The following NEK10 variants were observed in gnomAD, a reference collection of about 807,000 sequenced individuals.
The protein encoded by NEK10 is serine/threonine-protein kinase Nek10.
Under a neutral mutation model 159.8 loss-of-function variants are expected in NEK10, and 122 were observed. That is an observed-to-expected ratio of 0.76 (90% CI 0.66 to 0.89). The LOEUF is 0.89. NEK10 is among the 40% of genes least tolerant of loss of function. The pLI, the probability that NEK10 is intolerant of heterozygous loss-of-function variation, is 0.00. For synonymous variants in NEK10, 466 were observed against 457.1 expected, an observed-to-expected ratio of 1.02 and a Z score of -0.25; for missense variants, 1,342 against 1,323.1, an observed-to-expected ratio of 1.01 and a Z score of -0.22.
At chr3:27,308,897 T>G in intron 10 of NEK10, 29 bp downstream of exon 10, 1 of 1,194,910 alleles carries the variant, frequency 8.4e-7, no homozygotes, top group Non-Finnish European at 1.2e-6. Flanking sequence ...GTAGCAGAAC[T>G]GGAAAGTATA....
At chr3:27,264,272 A>G (rs965817385) in intron 22 of NEK10, among the ~76,000 whole-genome samples, 13 of 152,220 alleles carry the variant, frequency 8.5e-5, no homozygotes, top group African/African-American at 3.1e-4. Context: ...AGAAGAGGGA[A>G]TATTTCCCAA....
chr3:27,211,628 T>C (rs1951015790), intron 23 of NEK10, among the ~76,000 whole-genome samples: 1 of 152,156 alleles, frequency 6.6e-6, no homozygotes, highest in Non-Finnish European at 1.5e-5. Flanking sequence ...CCACCCATGT[T>C]AGCCTCCCTC....
intron 30 of NEK10, among the ~76,000 whole-genome samples, chr3:27,150,599 A>G (rs918473766): frequency 1.3e-5 from 2 of 152,220 alleles, no homozygotes; most frequent in Admixed American, 6.5e-5. Flanking sequence ...TCCTATCAAA[A>G]TATTGATGTT....
At chr3:27,115,445 A>G (rs1940260237) in intron 35 of NEK10, among the ~76,000 whole-genome samples, 1 of 152,164 alleles carries the variant, frequency 6.6e-6, no homozygotes, top group South Asian at 2.1e-4. Context: ...GAGGTTTTTT[A>G]TTTAGGGTAA....
At chr3:27,298,983 T>C (rs185490748) in intron 13 of NEK10, among the ~76,000 whole-genome samples, 237 of 152,316 alleles carry the variant, frequency 1.6e-3, no homozygotes, top group African/African-American at 5.2e-3. Context: ...AAATTTGCCA[T>C]CTGACAATGC....
intron 22 of NEK10, among the ~76,000 whole-genome samples, chr3:27,260,819 T>G (rs528750950): frequency 1.3e-5 from 2 of 152,222 alleles, no homozygotes; most frequent in South Asian, 4.1e-4. Flanking sequence ...CTTGTACCTC[T>G]GGTAGAATTC....
At chr3:27,120,722 T>C (rs1941185051) in intron 32 of NEK10, among the ~76,000 whole-genome samples, 1 of 152,176 alleles carries the variant, frequency 6.6e-6, no homozygotes, top group African/African-American at 2.4e-5. Flanking sequence ...AAGAGTAATT[T>C]GCCAAATGAC....
At chr3:27,256,499 A>G (rs1047155893) in intron 22 of NEK10, 128 bp from the exon 23 acceptor site, 17 of 420,234 alleles carry the variant, frequency 4.0e-5, no homozygotes, top group Non-Finnish European at 3.8e-5. Context: ...TCTTAATGCT[A>G]TATATTTTGA....
At chr3:27,186,392 G>C (rs1030360834) in intron 26 of NEK10, among the ~76,000 whole-genome samples, 1 of 152,190 alleles carries the variant, frequency 6.6e-6, no homozygotes, top group Non-Finnish European at 1.5e-5. Flanking sequence ...GGTAGCTTCT[G>C]GCAGAAAGGT....
At chr3:27,344,526 G>A (rs762317286) in intron 4 of NEK10, among the ~76,000 whole-genome samples, 156 bp from the exon 5 acceptor site, 8 of 152,286 alleles carry the variant, frequency 5.3e-5, no homozygotes, top group South Asian at 2.1e-4. Context: ...GGAGCCTTGC[G>A]TTTAACATGT....
intron 35 of NEK10, among the ~76,000 whole-genome samples, chr3:27,115,394 C>T (rs1237546276): frequency 4.6e-5 from 7 of 152,152 alleles, no homozygotes; most frequent in East Asian, 1.9e-4. Flanking sequence ...AGAACACCAA[C>T]GATAGCTATA....
At chr3:27,340,289 T>C (rs997618292) in intron 5 of NEK10, among the ~76,000 whole-genome samples, 2 of 152,108 alleles carry the variant, frequency 1.3e-5, no homozygotes, top group East Asian at 1.9e-4. Context: ...TTCTCACTCA[T>C]ATGTGGAAGT....
intron 25 of NEK10, 22 bp from the exon 26 acceptor site, chr3:27,192,264 A>G (rs1210362275): frequency 6.3e-7 from 1 of 1,580,020 alleles, no homozygotes; most frequent in Admixed American, 1.7e-5. Flanking sequence ...TGAGATAATT[A>G]TAACACTCTG....
chr3:27,312,818 G>T (rs1470199239), intron 7 of NEK10, among the ~76,000 whole-genome samples: 1 of 152,070 alleles, frequency 6.6e-6, no homozygotes, highest in Non-Finnish European at 1.5e-5. Flanking sequence ...TACACCTCTA[G>T]TCAATTTAAA....
intron 29 of NEK10, among the ~76,000 whole-genome samples, chr3:27,168,668 A>C (rs1946689048): frequency 6.6e-6 from 1 of 152,174 alleles, no homozygotes; most frequent in Non-Finnish European, 1.5e-5. Flanking sequence ...TCCCTGAAGG[A>C]AGACAGCTTG....
intron 7 of NEK10, among the ~76,000 whole-genome samples, chr3:27,312,881 A>C (rs1470623806): frequency 6.6e-6 from 1 of 152,216 alleles, no homozygotes; most frequent in African/African-American, 2.4e-5. Context: ...GAATATAATA[A>C]AATAAAGTAG....
chr3:27,289,089 T>C (rs2042817205), intron 19 of NEK10, among the ~76,000 whole-genome samples: 1 of 152,204 alleles, frequency 6.6e-6, no homozygotes, highest in South Asian at 2.1e-4. Flanking sequence ...GATGTGAGCA[T>C]GGCTATGGCA....
intron 30 of NEK10, among the ~76,000 whole-genome samples, chr3:27,147,980 C>CT (rs1297887721): frequency 1.3e-5 from 2 of 152,300 alleles, no homozygotes; most frequent in African/African-American, 4.8e-5. Flanking sequence ...CAAAGAACAA[C>CT]TTTAAGAATT....
chr3:27,255,521 T>A (rs568100192), intron 23 of NEK10, among the ~76,000 whole-genome samples: 1 of 151,972 alleles, frequency 6.6e-6, no homozygotes, highest in Non-Finnish European at 1.5e-5. Context: ...AATAAAAGTG[T>A]CTTGATTGCT....
Sources: gnomAD v4.1 joint callset for allele counts (sites outside exome capture counted in the v4.1 genomes callset) on GRCh38, gnomAD v4.1.1 for gene constraint, MANE v1.5 for transcripts, NCBI Gene and HGNC (gene_info 2026-07-23, HGNC 2026-07-21) for gene names.